Variants in ZNF804A observed in about 807,000 individuals in gnomAD.
ZNF804A encodes the protein zinc finger protein 804A.
Under a neutral mutation model 16.5 loss-of-function variants are expected in ZNF804A, and 2 were observed. The ratio of observed to expected loss-of-function variants is 0.12; its 90% CI spans 0.05 to 0.38. ZNF804A has a LOEUF of 0.38. Among genes scored for constraint, ZNF804A ranks in the 10% least tolerant of loss-of-function variants. ZNF804A has a pLI of 0.99. For synonymous variants in ZNF804A, 534 were observed against 489.6 expected (o/e 1.09, Z -1.20); for missense variants, 1,473 against 1,390.7 (o/e 1.06, Z -0.94).
chr2:184,634,966 A>T (rs200916227), intron 1 of ZNF804A, among the ~76,000 whole-genome samples: 4,831 of 118,004 alleles, frequency 0.041, 254 homozygotes, highest in African/African-American at 0.14. Flanking sequence ...GTATTTTTTT[A>T]AAAAAATAAA....
At chr2:184,605,190 C>T (rs908415111) in intron 1 of ZNF804A, among the ~76,000 whole-genome samples, 5 of 151,850 alleles carry the variant, frequency 3.3e-5, no homozygotes, top group South Asian at 4.2e-4. Context: ...ACTGTTGAAG[C>T]GACTTGCTGT....
At chr2:184,843,054 G>A (rs1695460776) in intron 1 of ZNF804A, among the ~76,000 whole-genome samples, 1 of 151,960 alleles carries the variant, frequency 6.6e-6, no homozygotes, top group Admixed American at 6.6e-5. Context: ...GATGCTCTTG[G>A]TTTCCCATTC....
At chr2:184,931,769 C>A (rs1325598050) in intron 2 of ZNF804A, among the ~76,000 whole-genome samples, 2 of 152,144 alleles carry the variant, frequency 1.3e-5, no homozygotes, top group Non-Finnish European at 2.9e-5. Flanking sequence ...TTTTTCTTTT[C>A]TATCGCATCA....
chr2:184,775,163 T>A (rs1462646357), intron 1 of ZNF804A, among the ~76,000 whole-genome samples: 2 of 151,730 alleles, frequency 1.3e-5, no homozygotes, highest in Non-Finnish European at 3.0e-5. Context: ...TCCTCAATAG[T>A]CTTTAAAATT....
In ZNF804A at chr2:184,644,234, C is replaced by CAT. The variant is rs10542640; in HGVS notation, c.111+45178_111+45179dup. ...TGAAGATTGCAATACAGCTATATAT[C>CAT]ATATATATATATATAAAATACCTCA... On this transcript the variant is annotated intron_variant, in intron 1 of 3. Transcript: ENST00000302277. 7.1e-3 allele frequency among the ~76,000 whole-genome samples: 1,061 copies of CAT among 150,150 alleles called. 4 individuals are homozygous for CAT. The highest frequency in any genetic ancestry group is 0.01 in the Non-Finnish European group (701 of 67,288).
chr2:184,758,593 T>C (rs914212821), intron 1 of ZNF804A, among the ~76,000 whole-genome samples: 23 of 151,984 alleles, frequency 1.5e-4, no homozygotes, highest in Non-Finnish European at 5.9e-5. Context: ...ATAAGTAATT[T>C]ATTTATCAAG....
At chr2:184,882,974 A>G (rs1684832053) in intron 2 of ZNF804A, among the ~76,000 whole-genome samples, 3 of 151,998 alleles carry the variant, frequency 2.0e-5, no homozygotes, top group Admixed American at 6.6e-5. Flanking sequence ...AAATAGCCAC[A>G]TAAAAGATCA....
chr2:184,883,357 CT>C (rs1212533708), intron 2 of ZNF804A, among the ~76,000 whole-genome samples: 4 of 151,994 alleles, frequency 2.6e-5, no homozygotes, highest in African/African-American at 9.7e-5. Context: ...TAAAGAAGAG[CT>C]GGTACCACTC....
intron 1 of ZNF804A, among the ~76,000 whole-genome samples, chr2:184,833,777 T>A (rs1003627996): frequency 6.6e-6 from 1 of 152,034 alleles, no homozygotes; most frequent in African/African-American, 2.4e-5. Context: ...AAGTTAAAAG[T>A]GATAGTTATC....
intron 1 of ZNF804A, among the ~76,000 whole-genome samples, chr2:184,709,714 T>G (rs1287661642): frequency 1.3e-5 from 2 of 151,358 alleles, no homozygotes; most frequent in Non-Finnish European, 3.0e-5. Context: ...TAATGATTTT[T>G]GCATATACTT....
At chr2:184,705,912 C>T (rs1559130971) in intron 1 of ZNF804A, among the ~76,000 whole-genome samples, 2 of 152,040 alleles carry the variant, frequency 1.3e-5, no homozygotes, top group Non-Finnish European at 2.9e-5. Flanking sequence ...ACCATGGCAC[C>T]TTTTTTTATG....
chr2:184,749,432 C>T (rs750536961), intron 1 of ZNF804A, among the ~76,000 whole-genome samples: 4 of 151,204 alleles, frequency 2.6e-5, no homozygotes, highest in Non-Finnish European at 5.9e-5. Flanking sequence ...ATTTTGTAGC[C>T]TGAAATCTTG....
intron 1 of ZNF804A, among the ~76,000 whole-genome samples, chr2:184,665,266 G>T (rs188179230): frequency 1.8e-4 from 27 of 152,132 alleles, no homozygotes; most frequent in Admixed American, 7.2e-4. Context: ...CAATATTGCT[G>T]GTTTTATGTG....
chr2:184,738,806 C>G (rs185908375), intron 1 of ZNF804A, among the ~76,000 whole-genome samples: 1 of 152,076 alleles, frequency 6.6e-6, no homozygotes, highest in Non-Finnish European at 1.5e-5. Flanking sequence ...GGAAACAAGA[C>G]GTCTACAAAG....
intron 1 of ZNF804A, among the ~76,000 whole-genome samples, chr2:184,624,321 C>T (rs546421110): frequency 5.9e-5 from 9 of 152,264 alleles, no homozygotes; most frequent in Non-Finnish European, 8.8e-5. Flanking sequence ...TACTATAAGA[C>T]ATCTACAAGC....
At chr2:184,901,935 A>G (rs1685188308) in intron 2 of ZNF804A, among the ~76,000 whole-genome samples, 1 of 152,060 alleles carries the variant, frequency 6.6e-6, no homozygotes, top group African/African-American at 2.4e-5. Context: ...CCATTTGTAT[A>G]CATATTTTAA....
At chr2:184,711,115 C>A (rs1032569659) in intron 1 of ZNF804A, among the ~76,000 whole-genome samples, 1 of 151,664 alleles carries the variant, frequency 6.6e-6, no homozygotes, top group African/African-American at 2.4e-5. Context: ...TTTTACATTC[C>A]CACCAGCAGT....
At chr2:184,608,038 CG>C (rs1265090520) in intron 1 of ZNF804A, among the ~76,000 whole-genome samples, 2 of 146,978 alleles carry the variant, frequency 1.4e-5, no homozygotes, top group Non-Finnish European at 3.0e-5. Flanking sequence ...CTCCGCCTCC[CG>C]GGTTCACGCC....
At chr2:184,883,994 A>G (rs910209817) in intron 2 of ZNF804A, among the ~76,000 whole-genome samples, 2 of 152,150 alleles carry the variant, frequency 1.3e-5, no homozygotes, top group East Asian at 3.9e-4. Context: ...AGGCATCTGG[A>G]TAGCAAAAGA....
Sources: allele counts gnomAD v4.1 joint callset (sites outside exome capture counted in the v4.1 genomes callset), GRCh38; gene constraint gnomAD v4.1.1; transcripts MANE v1.5; gene names NCBI Gene and HGNC (gene_info 2026-07-23, HGNC 2026-07-21).